Variants in ST6GALNAC3 observed in about 807,000 individuals in gnomAD.
ST6GALNAC3 encodes alpha-N-acetylgalactosaminide alpha-2,6-sialyltransferase 3.
In ST6GALNAC3, 25 loss-of-function variants were observed where a neutral mutation model predicts 32.7. That is an observed-to-expected ratio of 0.76 (90% CI 0.56 to 1.07). ST6GALNAC3 has a LOEUF of 1.07. Ranked by LOEUF, ST6GALNAC3 falls within the 50% of genes least tolerant of loss-of-function variation. The pLI, the probability that ST6GALNAC3 is intolerant of heterozygous loss-of-function variation, is 0.00. For synonymous variants in ST6GALNAC3, 129 were observed against 133.1 expected, an observed-to-expected ratio of 0.97 and a Z score of 0.21; for missense variants, 355 against 382.4, an observed-to-expected ratio of 0.93 and a Z score of 0.60.
intron 3 of ST6GALNAC3, among the ~76,000 whole-genome samples, chr1:76,534,903 G>A (rs767929427): frequency 6.6e-6 from 1 of 152,120 alleles, no homozygotes; most frequent in Non-Finnish European, 1.5e-5. Flanking sequence ...TTTCTAGTTT[G>A]CTGCCAACTA....
At chr1:76,134,693 C>G (rs865861048) in intron 1 of ST6GALNAC3, among the ~76,000 whole-genome samples, 1 of 152,170 alleles carries the variant, frequency 6.6e-6, no homozygotes, top group African/African-American at 2.4e-5. Context: ...CACCTGAACT[C>G]CTGCATGGGT....
At chr1:76,149,240 G>C (rs1245621288) in intron 1 of ST6GALNAC3, among the ~76,000 whole-genome samples, 1 of 152,094 alleles carries the variant, frequency 6.6e-6, no homozygotes, top group African/African-American at 2.4e-5. Flanking sequence ...ACAGACATGT[G>C]GGGTTTTTCC....
At chr1:76,212,479 A>C (rs1352094392) in intron 1 of ST6GALNAC3, among the ~76,000 whole-genome samples, 2 of 152,082 alleles carry the variant, frequency 1.3e-5, no homozygotes, top group Non-Finnish European at 2.9e-5. Context: ...GATTGTTTGA[A>C]AAATACTTCC....
chr1:76,216,428 A>G (rs2100590088), intron 1 of ST6GALNAC3, among the ~76,000 whole-genome samples: 1 of 152,338 alleles, frequency 6.6e-6, no homozygotes, highest in African/African-American at 2.4e-5. Context: ...TGCTCAAGCA[A>G]TAATTTGTTG....
intron 1 of ST6GALNAC3, among the ~76,000 whole-genome samples, chr1:76,120,870 G>A (rs958027997): frequency 6.6e-6 from 1 of 152,214 alleles, no homozygotes; most frequent in African/African-American, 2.4e-5. Context: ...CTGGAGGCCA[G>A]AAATCTAATG....
downstream of ST6GALNAC3, among the ~76,000 whole-genome samples, chr1:76,635,079 A>C (rs1649472003): frequency 6.6e-6 from 1 of 152,164 alleles, no homozygotes; most frequent in Non-Finnish European, 1.5e-5. Flanking sequence ...CATATTAACT[A>C]TCTGATGCTG....
chr1:76,346,435 G>T (rs1229712031), intron 2 of ST6GALNAC3, among the ~76,000 whole-genome samples: 1 of 152,196 alleles, frequency 6.6e-6, no homozygotes, highest in Non-Finnish European at 1.5e-5. Context: ...TTCAGGAGAT[G>T]CCTTTCTGTG....
intron 1 of ST6GALNAC3, among the ~76,000 whole-genome samples, chr1:76,194,499 C>T (rs992696582): frequency 6.6e-6 from 1 of 150,414 alleles, no homozygotes; most frequent in East Asian, 1.9e-4. Flanking sequence ...TAATAATAAA[C>T]CCATTACATG....
intron 1 of ST6GALNAC3, among the ~76,000 whole-genome samples, chr1:76,292,603 A>T (rs781684504): frequency 3.9e-5 from 6 of 152,216 alleles, no homozygotes; most frequent in Non-Finnish European, 7.3e-5. Context: ...GTGGCCTGGA[A>T]CTAAAGTTGA....
chr1:76,606,756 A>G (rs2100651757), intron 3 of ST6GALNAC3, among the ~76,000 whole-genome samples: 1 of 152,248 alleles, frequency 6.6e-6, no homozygotes, highest in Admixed American at 6.5e-5. Flanking sequence ...AAAGAAAAAA[A>G]GAAAAGGAGG....
chr1:76,586,956 A>C (rs1214999141), intron 3 of ST6GALNAC3, among the ~76,000 whole-genome samples: 1 of 152,190 alleles, frequency 6.6e-6, no homozygotes, highest in Non-Finnish European at 1.5e-5. Context: ...CAGGTCTGAA[A>C]ACTAATAGAA....
At chr1:76,143,303 C>G (rs544191562) in intron 1 of ST6GALNAC3, among the ~76,000 whole-genome samples, 1 of 152,126 alleles carries the variant, frequency 6.6e-6, no homozygotes, top group Admixed American at 6.5e-5. Flanking sequence ...AGTCATTTGG[C>G]AGTCCTATTA....
At chr1:76,228,423 A>C (rs1396888110) in intron 1 of ST6GALNAC3, among the ~76,000 whole-genome samples, 2 of 152,156 alleles carry the variant, frequency 1.3e-5, no homozygotes, top group Non-Finnish European at 2.9e-5. Context: ...CATTAGGTTA[A>C]TTCTTAGGTG....
chr1:76,482,727 T>TTTA (rs1402514296), intron 3 of ST6GALNAC3, among the ~76,000 whole-genome samples: 3 of 152,022 alleles, frequency 2.0e-5, no homozygotes, highest in Non-Finnish European at 4.4e-5. Flanking sequence ...TTCTTTTATT[T>TTTA]TTATTATTAT....
intron 1 of ST6GALNAC3, among the ~76,000 whole-genome samples, chr1:76,152,047 C>T (rs1651076761): frequency 1.3e-5 from 2 of 152,140 alleles, no homozygotes; most frequent in African/African-American, 4.8e-5. Context: ...ACAATATTGT[C>T]CTTCCCACCA....
intron 1 of ST6GALNAC3, among the ~76,000 whole-genome samples, chr1:76,211,919 A>G (rs1655191364): frequency 1.3e-5 from 2 of 152,300 alleles, no homozygotes; most frequent in Middle Eastern, 3.4e-3. Context: ...CATGTACCCT[A>G]AAACTTAAAG....
rs763945080 is a variant in ST6GALNAC3 at position 76,311,454 on chromosome 1, C to T, written c.19-2351C>T. Among the ~76,000 whole-genome samples, 5 of 152,124 alleles carry T rather than the reference C, an allele frequency of 3.3e-5. No individual in the cohort carries two copies. The South Asian group carries it at 6.2e-4, about 19-fold the overall frequency. On this transcript the variant is annotated intron_variant, in intron 1 of 4. Coordinates refer to ENST00000328299, the MANE Select transcript of ST6GALNAC3 (RefSeq NM_152996.4). ...TAGCCCCCCATTCCCTGACAGGACCCGGTGTGTGATGTTCCCCTCCCTGTG... is the reference window on the plus strand; with the variant it reads ...TAGCCCCCCATTCCCTGACAGGACCTGGTGTGTGATGTTCCCCTCCCTGTG...
At chr1:76,493,733 G>A (rs2101700101) in intron 3 of ST6GALNAC3, among the ~76,000 whole-genome samples, 1 of 152,160 alleles carries the variant, frequency 6.6e-6, no homozygotes, top group African/African-American at 2.4e-5. Context: ...TGTTTAACAT[G>A]TATTGATTTA....
intron 3 of ST6GALNAC3, among the ~76,000 whole-genome samples, chr1:76,480,872 C>A (rs1433520568): frequency 6.6e-6 from 1 of 151,992 alleles, no homozygotes; most frequent in Non-Finnish European, 1.5e-5. Context: ...TCCTCTGATC[C>A]TTTTTTTAAA....
Sources: gnomAD v4.1 joint callset for allele counts (sites outside exome capture counted in the v4.1 genomes callset) on GRCh38, gnomAD v4.1.1 for gene constraint, MANE v1.5 for transcripts, NCBI Gene and HGNC (gene_info 2026-07-23, HGNC 2026-07-21) for gene names.